AHNAK: variants seen among roughly 807,000 people sequenced by gnomAD.
AHNAK encodes the protein neuroblast differentiation-associated protein AHNAK.
A neutral mutation model predicts 37.8 loss-of-function variants in AHNAK; 23 were observed. The observed-to-expected ratio is 0.61, with a 90% CI of 0.44 to 0.86. The LOEUF is 0.86. AHNAK is among the 40% of genes least tolerant of loss of function. AHNAK has a pLI of 0.00. For synonymous variants in AHNAK, 2,481 were observed against 2,636.3 expected, an observed-to-expected ratio of 0.94 and a Z score of 1.80; for missense variants, 7,411 against 7,319.4, an observed-to-expected ratio of 1.01 and a Z score of -0.46.
In AHNAK at chr11:62,439,990, C is replaced by T. The variant is rs867500805; in HGVS notation, c.443-6099G>A. Among the ~76,000 whole-genome samples, 10 of 152,306 alleles carry T rather than the reference C, an allele frequency of 6.6e-5. 1 individual carries two copies. In the South Asian group the frequency reaches 1.7e-3, roughly 25 times the overall value. On this transcript the variant is annotated intron_variant, in intron 5 of 5. Transcript: ENST00000257247. The stretch of plus-strand genomic sequence containing the variant: ...GCCGCATTTGTCTTTTAAGTCTCTC[C>T]TCTCTTCTGTCTTTCCTTCCCTAAA...
At chr11:62,487,881 C>G (rs374912926) in intron 5 of AHNAK, among the ~76,000 whole-genome samples, 1 of 152,060 alleles carries the variant, frequency 6.6e-6, no homozygotes, top group East Asian at 1.9e-4. Flanking sequence ...CTCACATGCC[C>G]GTGAAGTGAT....
Position 62,526,852 on chromosome 11 carries a change from C to G in AHNAK, c.7565G>C (p.Gly2522Ala), listed in dbSNP as rs756293795. ...KMKMPKFSMP[G>A]FKAEGPEVDV... ...TACTTCAGGGCCCTCTGCTTTGAAG[C>G]CAGGCATGCTGAACTTGGGCATTTT... Residue 2522 changes from glycine (G) to alanine (A), a missense_variant, in exon 5 of 5, where the codon GGC becomes GCC. Transcript: ENST00000378024. 1.9e-6 allele frequency: 3 copies of G among 1,613,946 alleles called. No individual in the cohort carries two copies. The highest frequency in any genetic ancestry group is 2.5e-6 in the Non-Finnish European group (3 of 1,180,002).
At chr11:62,490,616 C>G (rs1939489456) in intron 5 of AHNAK, among the ~76,000 whole-genome samples, 1 of 152,004 alleles carries the variant, frequency 6.6e-6, no homozygotes, top group Non-Finnish European at 1.5e-5. Flanking sequence ...GAAAATGGGG[C>G]TCAGATGGAG....
Position 62,529,126 on chromosome 11 carries a change from A to G in AHNAK, c.5291T>C (p.Leu1764Ser), listed in dbSNP as rs1206406839. Reference sequence around the variant, plus strand: ...GGGCATCTTAAATTTGGAGCCTTTCAACTTTCCTTCTGGTCCCTCAATATC... The same window carrying G: ...GGGCATCTTAAATTTGGAGCCTTTCGACTTTCCTTCTGGTCCCTCAATATC... ...DLDIEGPEGKLKGSKFKMPKL... is the reference protein window; with the variant it reads ...DLDIEGPEGKSKGSKFKMPKL... Residue 1764 changes from leucine (L) to serine (S), a missense_variant, in exon 5 of 5, where the codon TTG (leucine) becomes TCG (serine). Coordinates refer to ENST00000378024, the MANE Select transcript of AHNAK (RefSeq NM_001620.3). 5.6e-6 allele frequency: 9 copies of G among 1,614,048 alleles called. No homozygotes were observed. Among genetic ancestry groups the G allele is most frequent in the Non-Finnish European group, 7.6e-6 (9 of 1,180,000 alleles).
At chr11:62,479,199 C>T (rs1939212902) in intron 5 of AHNAK, among the ~76,000 whole-genome samples, 1 of 140,020 alleles carries the variant, frequency 7.1e-6, no homozygotes, top group Non-Finnish European at 1.5e-5. Flanking sequence ...CGGAGTTTCC[C>T]TCTTGTTACC....
At chr11:62,546,043 G>C (rs906436914) in intron 1 of AHNAK, 1 of 152,996 alleles carries the variant, frequency 6.5e-6, no homozygotes, top group Non-Finnish European at 1.5e-5. Flanking sequence ...CCGAGAGGAA[G>C]GTTTTCTGGA....
chr11:62,451,520 T>C (rs1282199686), intron 5 of AHNAK, among the ~76,000 whole-genome samples: 5 of 151,988 alleles, frequency 3.3e-5, no homozygotes, highest in Non-Finnish European at 7.4e-5. Context: ...GGCAGATAAC[T>C]TGAGGTCAGG....
At chr11:62,458,774 C>G (rs1590598307) in intron 5 of AHNAK, among the ~76,000 whole-genome samples, 1 of 138,772 alleles carries the variant, frequency 7.2e-6, no homozygotes, top group Admixed American at 7.2e-5. Flanking sequence ...GAACCACCTG[C>G]ACCAGACTCA....
rs746337919 is a variant in AHNAK at position 62,530,800 on chromosome 11, C to T, written c.3617G>A (p.Gly1206Asp). The T allele has an allele frequency of 1.2e-6, 2 of 1,613,590 alleles. No homozygotes were observed. The highest frequency in any genetic ancestry group is 1.1e-5 in the South Asian group (1 of 91,052). ...SMPDVDLHLK[G>D]PKVKGDVDVS... The stretch of plus-strand genomic sequence containing the variant: ...ATCCACATCCCCTTTGACTTTGGGG[C>T]CTTTCAAGTGTAAGTCCACATCAGG... The change falls in exon 5 of 5, where the codon GGC (glycine) becomes GAC (aspartate). Residue 1206 changes from glycine to aspartate, a missense_variant. By Grantham distance (94) the Gly-to-Asp change is moderately conservative. Transcript: ENST00000378024.
Position 62,521,410 on chromosome 11 carries a change from A to G in AHNAK, c.13007T>C (p.Val4336Ala), listed in dbSNP as rs1940235359. Residue 4336 changes from valine (V) to alanine (A), a missense_variant, in exon 5 of 5, where the codon GTG (valine) becomes GCG (alanine). Coordinates refer to ENST00000378024, the MANE Select transcript of AHNAK (RefSeq NM_001620.3). ...MPGFKGEGPD[V>A]DVTLPKADIE... ...GTCAGCCTTAGGAAGGGTAACATCCACATCTGGGCCCTCTCCTTTGAATCC... is the reference window on the plus strand; with the variant it reads ...GTCAGCCTTAGGAAGGGTAACATCCGCATCTGGGCCCTCTCCTTTGAATCC... 6.2e-7 allele frequency: 1 copy of G among 1,613,978 alleles called. No homozygotes were observed. Among genetic ancestry groups the G allele is most frequent in the African/African-American group, 1.3e-5 (1 of 74,876 alleles).
chr11:62,485,835 A>G (rs1422475072), intron 5 of AHNAK, among the ~76,000 whole-genome samples: 1 of 151,208 alleles, frequency 6.6e-6, no homozygotes, highest in Non-Finnish European at 1.5e-5. Flanking sequence ...TGGCCAACAT[A>G]GTGAAATCCT....
chr11:62,507,271 G>C (rs1380478513), intron 4 of AHNAK, among the ~76,000 whole-genome samples: 2 of 152,076 alleles, frequency 1.3e-5, no homozygotes, highest in African/African-American at 4.8e-5. Context: ...CTGAGCCTCA[G>C]TTTCTTTGTC....
At chr11:62,538,406 C>CAGG (rs933386311) in intron 1 of AHNAK, among the ~76,000 whole-genome samples, 5 of 152,202 alleles carry the variant, frequency 3.3e-5, no homozygotes, top group Non-Finnish European at 7.3e-5. Flanking sequence ...AGACACCAGG[C>CAGG]AGGACTCTGC....
At chr11:62,479,167 CT>C (rs33929407) in intron 5 of AHNAK, among the ~76,000 whole-genome samples, 21 of 116,238 alleles carry the variant, frequency 1.8e-4, no homozygotes, top group East Asian at 4.9e-4. Flanking sequence ...TTTCTTTTTT[CT>C]TTTTTTTTTT....
chr11:62,479,993 G>C (rs1939232587), intron 5 of AHNAK, among the ~76,000 whole-genome samples: 1 of 152,146 alleles, frequency 6.6e-6, no homozygotes, highest in Admixed American at 6.5e-5. Flanking sequence ...CCTTCTGGCT[G>C]GGTTCTGCCG....
chr11:62,438,210 G>A (rs1233808124), intron 5 of AHNAK, among the ~76,000 whole-genome samples: 2 of 126,136 alleles, frequency 1.6e-5, no homozygotes, highest in Non-Finnish European at 3.3e-5. Flanking sequence ...CTGAGACTGA[G>A]TTTTGTTCTG....
rs778731645 is a variant in AHNAK at position 62,527,111 on chromosome 11, A to G, written c.7306T>C (p.Leu2436=). 2 of 1,614,008 alleles carry G rather than the reference A, an allele frequency of 1.2e-6. No homozygotes were observed. The highest frequency in any genetic ancestry group is 2.2e-5 in the South Asian group (2 of 91,060). The change falls in exon 5 of 5, where the codon TTG becomes CTG. Residue 2436 remains leucine, a synonymous_variant. Transcript: ENST00000378024. ...GGCATCTTGAACTTAGGGCCTTTCA[A>G]TTTGCCCTCTGGTCCCTCAATGTCA... ...DIDIEGPEGK[L]KGPKFKMPDM...
chr11:62,477,564 G>A (rs928700772), intron 5 of AHNAK, among the ~76,000 whole-genome samples: 1 of 152,160 alleles, frequency 6.6e-6, no homozygotes, highest in Non-Finnish European at 1.5e-5. Context: ...CAGCACTTTG[G>A]GAGGCCAAGG....
chr11:62,436,896 G>A (rs1327782089), intron 5 of AHNAK, among the ~76,000 whole-genome samples: 5 of 151,338 alleles, frequency 3.3e-5, no homozygotes, highest in African/African-American at 9.7e-5. Context: ...CCAAGATCGC[G>A]CCACTGCACT....
Sources: allele counts gnomAD v4.1 joint callset (sites outside exome capture counted in the v4.1 genomes callset), GRCh38; gene constraint gnomAD v4.1.1; transcripts MANE v1.5; gene names NCBI Gene and HGNC (gene_info 2026-07-23, HGNC 2026-07-21).